The following WWOX variants were observed in gnomAD, a reference collection of about 807,000 sequenced individuals.
WWOX encodes the protein WW domain containing oxidoreductase, also known as WW domain-containing oxidoreductase.
Under a neutral mutation model 46.2 loss-of-function variants are expected in WWOX, and 69 were observed. The ratio of observed to expected loss-of-function variants is 1.49; its 90% CI spans 1.23 to 1.82. The LOEUF (loss-of-function observed/expected upper bound fraction) is 1.82, where lower values mean the gene tolerates loss of function less well. WWOX is among the 40% of genes most tolerant of loss of function. The pLI is 0.00. For synonymous variants in WWOX, 359 were observed against 202.6 expected, an observed-to-expected ratio of 1.77 and a Z score of -6.56; for missense variants, 919 against 542.6, an observed-to-expected ratio of 1.69 and a Z score of -6.89.
chr16:79,152,917 C>T (rs957003145), intron 8 of WWOX, among the ~76,000 whole-genome samples: 5 of 152,026 alleles, frequency 3.3e-5, no homozygotes, highest in East Asian at 1.9e-4. Context: ...AAGTGGGCTC[C>T]GGGTCTAGGA....
At chr16:78,444,796 C>T (rs773245660) in intron 8 of WWOX, among the ~76,000 whole-genome samples, 10 of 152,138 alleles carry the variant, frequency 6.6e-5, no homozygotes, top group Non-Finnish European at 1.3e-4. Context: ...TCCCAAAGTG[C>T]TGGAATTACA....
At chr16:78,789,182 G>C (rs1337708622) in intron 8 of WWOX, among the ~76,000 whole-genome samples, 1 of 152,072 alleles carries the variant, frequency 6.6e-6, no homozygotes. Flanking sequence ...TGTGTTGATT[G>C]TCATGGTGGT....
At chr16:78,728,055 C>CTTCCTTTTTTTTTTTTTTTTTTTT (rs1555524549) in intron 8 of WWOX, among the ~76,000 whole-genome samples, 1 of 86,806 alleles carries the variant, frequency 1.2e-5, no homozygotes. Context: ...TCCCTCCTTC[C>CTTCCTTTTTTTTTTTTTTTTTTTT]TTTTTTTTTT....
intron 5 of WWOX, chr16:78,237,947 G>T (rs1250290140): frequency 2.6e-5 from 4 of 152,094 alleles, no homozygotes; most frequent in Admixed American, 2.6e-4. Flanking sequence ...CTTTTTTGTA[G>T]CTCCCAAATT....
chr16:78,409,420 C>T (rs189104457), intron 6 of WWOX, among the ~76,000 whole-genome samples: 3 of 152,184 alleles, frequency 2.0e-5, no homozygotes, highest in African/African-American at 7.2e-5. Context: ...TTTTCTGTCC[C>T]TAGTTGTTTG....
intron 8 of WWOX, among the ~76,000 whole-genome samples, chr16:79,023,710 T>C (rs1330888616): frequency 1.3e-5 from 2 of 150,742 alleles, no homozygotes. Flanking sequence ...ACCTGAGGTC[T>C]CAGAAGTTCG....
intron 8 of WWOX, among the ~76,000 whole-genome samples, chr16:78,846,320 T>C (rs1393616915): frequency 6.6e-6 from 1 of 152,186 alleles, no homozygotes; most frequent in African/African-American, 2.4e-5. Flanking sequence ...CAACAGACTT[T>C]ATTTGGATTT....
intron 8 of WWOX, among the ~76,000 whole-genome samples, chr16:78,759,854 A>G (rs1015140752): frequency 6.6e-5 from 10 of 152,116 alleles, no homozygotes; most frequent in African/African-American, 2.4e-4. Flanking sequence ...GGGAGAGTCC[A>G]TTCCTTTCAT....
chr16:78,760,814 TG>T (rs2049773839), intron 8 of WWOX, among the ~76,000 whole-genome samples: 1 of 152,152 alleles, frequency 6.6e-6, no homozygotes, highest in Non-Finnish European at 1.5e-5. Context: ...CCCAAGACTG[TG>T]CAATTTACAA....
At chr16:78,324,048 C>A (rs892211873) in intron 5 of WWOX, among the ~76,000 whole-genome samples, 1 of 152,118 alleles carries the variant, frequency 6.6e-6, no homozygotes, top group South Asian at 2.1e-4. Context: ...CAAGAAAAAT[C>A]AATTTACAGG....
intron 8 of WWOX, among the ~76,000 whole-genome samples, chr16:78,888,680 G>A (rs1241766210): frequency 6.6e-6 from 1 of 152,162 alleles, no homozygotes; most frequent in African/African-American, 2.4e-5. Flanking sequence ...AGATGCTCTT[G>A]TGGCTGGATG....
At chr16:78,669,193 A>C (rs2047403130) in intron 8 of WWOX, among the ~76,000 whole-genome samples, 1 of 152,184 alleles carries the variant, frequency 6.6e-6, no homozygotes, top group South Asian at 2.1e-4. Context: ...CTTCCTTCAC[A>C]CACTCCCTTG....
intron 8 of WWOX, among the ~76,000 whole-genome samples, chr16:79,180,442 C>A (rs369657876): frequency 6.6e-6 from 1 of 152,102 alleles, no homozygotes; most frequent in South Asian, 2.1e-4. Flanking sequence ...ATAAAATGGA[C>A]ATAAAGCCTG....
chr16:78,272,116 A>G (rs2079488178), intron 5 of WWOX, among the ~76,000 whole-genome samples: 1 of 152,156 alleles, frequency 6.6e-6, no homozygotes, highest in Non-Finnish European at 1.5e-5. Flanking sequence ...TAAAACAACA[A>G]CCATTTTGTT....
At position 78,347,809 on chromosome 16, in the gene WWOX, C is replaced by G. The variant is rs1243188147; in HGVS notation, c.517-39051C>G. ...ATATTTCTAACCTCTGGCCTTTTTTCTTATCTCTACTTAAAGCTTTTCTGG... is the reference window on the plus strand; with the variant it reads ...ATATTTCTAACCTCTGGCCTTTTTTGTTATCTCTACTTAAAGCTTTTCTGG... On this transcript the variant is annotated intron_variant, in intron 5 of 8. Transcript: ENST00000566780. Among the ~76,000 whole-genome samples the G allele has an allele frequency of 1.2e-4, 14 of 121,528 alleles. 3 individuals are homozygous for G. The highest frequency in any genetic ancestry group is 2.0e-4 in the Non-Finnish European group (10 of 50,818). The allele number at this position is 121,528 out of a possible 152,430, so 79.7% of individuals were successfully genotyped here.
intron 8 of WWOX, among the ~76,000 whole-genome samples, chr16:78,739,324 G>T (rs368049833): frequency 3.3e-5 from 5 of 152,160 alleles, no homozygotes; most frequent in African/African-American, 1.2e-4. Context: ...GTGCCCAGAC[G>T]TTCCCAACAC....
At chr16:78,973,404 A>G (rs1264384893) in intron 8 of WWOX, among the ~76,000 whole-genome samples, 1 of 152,240 alleles carries the variant, frequency 6.6e-6, no homozygotes, top group Non-Finnish European at 1.5e-5. Flanking sequence ...TAACAGCACA[A>G]TACAGAGAAC....
intron 5 of WWOX, among the ~76,000 whole-genome samples, chr16:78,340,515 TAA>T (rs2080993896): frequency 8.3e-6 from 1 of 120,612 alleles, no homozygotes; most frequent in South Asian, 2.5e-4. Context: ...AGCCTCTTGA[TAA>T]AGTCTTTCCC....
chr16:78,196,217 G>C (rs758518168), intron 5 of WWOX, among the ~76,000 whole-genome samples: 4 of 152,198 alleles, frequency 2.6e-5, no homozygotes, highest in Admixed American at 2.6e-4. Flanking sequence ...TAATTTGAAT[G>C]TATTGCAAGC....
Sources: gnomAD v4.1 joint callset for allele counts (sites outside exome capture counted in the v4.1 genomes callset) on GRCh38, gnomAD v4.1.1 for gene constraint, MANE v1.5 for transcripts, NCBI Gene and HGNC (gene_info 2026-07-23, HGNC 2026-07-21) for gene names.